NEMP2: variants seen among roughly 807,000 people sequenced by gnomAD.
NEMP2 encodes UPF0571 transmembrane protein.
A neutral mutation model predicts 54.2 loss-of-function variants in NEMP2; 53 were observed. The observed-to-expected ratio is 0.98, with a 90% CI of 0.78 to 1.23. The LOEUF (loss-of-function observed/expected upper bound fraction) is 1.23. NEMP2 is among the 50% of genes most tolerant of loss of function. NEMP2 has a pLI of 0.00. For missense variants in NEMP2, 455 were observed against 511.3 expected, an observed-to-expected ratio of 0.89 and a Z score of 1.06; for synonymous variants, 197 against 190.3, an observed-to-expected ratio of 1.04 and a Z score of -0.29.
chr2:190,508,980 T>C lies in NEMP2; in HGVS notation c.*209A>G. On this transcript the variant is annotated 3_prime_UTR_variant, in exon 9 of 9. Coordinates refer to ENST00000409150, the MANE Select transcript of NEMP2 (RefSeq NM_001142645.2). The surrounding 1 kb of genome is among the most constrained non-coding windows in gnomAD (Gnocchi z 4.3). ...TAGTGGCTGTCACAGAATTTTGGTA[T>C]CCACCTACAGTACAATAAGTAGCAG... The C allele has an allele frequency of 1.6e-6, 1 of 635,404 alleles. No individual in the cohort carries two copies. Among genetic ancestry groups the C allele is most frequent in the Non-Finnish European group, 2.5e-6 (1 of 393,318 alleles). The allele number at this position is 635,404 out of a possible 1,614,324, so 39.4% of individuals were successfully genotyped here.
chr2:190,554,007 A>G, the NEMP2 span, among the ~76,000 whole-genome samples: 1 of 152,186 alleles, frequency 6.6e-6, no homozygotes. The surrounding 1 kb of genome is among the most constrained non-coding windows in gnomAD (Gnocchi z 5.7). Context: ...GTGCAGCCCA[A>G]GGAGGGCGAG....
At chr2:190,575,976 T>C in the NEMP2 span, among the ~76,000 whole-genome samples, 1 of 151,498 alleles carries the variant, frequency 6.6e-6, no homozygotes, top group East Asian at 1.9e-4. Flanking sequence ...GTTTCTGGTT[T>C]ACTTTTTTTT....
downstream of NEMP2, chr2:190,500,529 G>A: frequency 3.3e-6 from 1 of 306,636 alleles, no homozygotes; most frequent in East Asian, 6.1e-5. The surrounding 1 kb of genome is among the most constrained non-coding windows in gnomAD (Gnocchi z 5.3). Flanking sequence ...GTTGAAACCG[G>A]CAGTTACACT....
downstream of NEMP2, chr2:190,500,636 G>T (rs1332635585): frequency 1.2e-5 from 2 of 161,754 alleles, no homozygotes; most frequent in Non-Finnish European, 2.7e-5. This position sits in a 1 kb window ranked among gnomAD's most constrained non-coding sequence, Gnocchi z 5.3. Context: ...CACAAACTGG[G>T]AAGAGATAGA....
chr2:190,624,048 T>G, the NEMP2 span, among the ~76,000 whole-genome samples: 1 of 152,208 alleles, frequency 6.6e-6, no homozygotes, highest in East Asian at 1.9e-4. Context: ...CTTAGGAGGC[T>G]GAAGCAGGAA....
the NEMP2 span, among the ~76,000 whole-genome samples, chr2:190,545,445 G>T: frequency 2.2e-4 from 33 of 152,286 alleles, no homozygotes; most frequent in African/African-American, 7.5e-4. Context: ...TTCTTTCAAG[G>T]AAACCTACAA....
rs56324449 is a variant in NEMP2 at position 190,517,090 on chromosome 2, C to CAA, written c.612+428_612+429dup. Among the ~76,000 whole-genome samples the CAA allele has an allele frequency of 2.2e-3, 194 of 89,244 alleles. 1 individual carries two copies. The highest frequency in any genetic ancestry group is 8.0e-3 in the African/African-American group (164 of 20,388). 58.5% of individuals were successfully genotyped at this position (89,244 alleles called of 152,430 possible). A position where few individuals can be genotyped will look rare whatever the true frequency, so the allele number is the denominator to read the frequency against. ...TGGGCAACAGAGCAAGACTGTGTCT[C>CAA]AAAAAAAAAAAAAAAAAAAAAGAAG... On this transcript the variant is annotated intron_variant, in intron 5 of 8. Coordinates refer to ENST00000409150, the MANE Select transcript of NEMP2 (RefSeq NM_001142645.2).
chr2:190,636,378 C>G, the NEMP2 span, among the ~76,000 whole-genome samples: 1 of 152,158 alleles, frequency 6.6e-6, no homozygotes, highest in Non-Finnish European at 1.5e-5. Flanking sequence ...TCACTGTCAG[C>G]AGCAAAGGAA....
At chr2:190,465,401 A>G in the NEMP2 span, among the ~76,000 whole-genome samples, 1 of 151,784 alleles carries the variant, frequency 6.6e-6, no homozygotes, top group African/African-American at 2.4e-5. The surrounding 1 kb of genome is among the most constrained non-coding windows in gnomAD (Gnocchi z 4.6). Flanking sequence ...GGTGTTCAGT[A>G]GGTATCTATA....
At chr2:190,426,686 T>A in the NEMP2 span, among the ~76,000 whole-genome samples, 1 of 152,206 alleles carries the variant, frequency 6.6e-6, no homozygotes, top group Non-Finnish European at 1.5e-5. This position sits in a 1 kb window ranked among gnomAD's most constrained non-coding sequence, Gnocchi z 4.7. Context: ...ATGGTTGTTT[T>A]CAAAATGGTT....
At chr2:190,457,118 T>A in the NEMP2 span, among the ~76,000 whole-genome samples, 1 of 152,198 alleles carries the variant, frequency 6.6e-6, no homozygotes, top group African/African-American at 2.4e-5. The surrounding 1 kb of genome is among the most constrained non-coding windows in gnomAD (Gnocchi z 5.1). Context: ...CCTCAAGCCC[T>A]TGTCTAGGTT....
chr2:190,509,882 A>C lies in NEMP2; in HGVS notation c.1130+479T>G, dbSNP rs1690296247. On this transcript the variant is annotated intron_variant, in intron 8 of 8. Transcript: ENST00000409150. The surrounding 1 kb of genome is among the most constrained non-coding windows in gnomAD (Gnocchi z 6.1). The stretch of plus-strand genomic sequence containing the variant: ...GTGAAACCCCATCTCTACTGAAAAT[A>C]CAAAAATTAGCCGGGCATGGTGGCG... 1.3e-5 allele frequency among the ~76,000 whole-genome samples: 2 copies of C among 152,364 alleles called. No homozygotes were observed. Among genetic ancestry groups the C allele is most frequent in the African/African-American group, 4.8e-5 (2 of 41,592 alleles).
At chr2:190,493,605 T>C in the NEMP2 span, among the ~76,000 whole-genome samples, 18 of 152,296 alleles carry the variant, frequency 1.2e-4, no homozygotes, top group African/African-American at 3.1e-4. Context: ...TTCTCCAAGA[T>C]AGACTATATG....
chr2:190,557,411 A>T, the NEMP2 span, among the ~76,000 whole-genome samples: 9 of 152,230 alleles, frequency 5.9e-5, no homozygotes, highest in African/African-American at 2.2e-4. Context: ...GGACATAGGC[A>T]TGGGCAAAGA....
At position 190,507,067 on chromosome 2, in the gene NEMP2, T is replaced by C. The variant is rs1380768636; in HGVS notation, c.*2122A>G. 1 of 152,172 alleles carries C rather than the reference T, an allele frequency of 6.6e-6. No individual in the cohort carries two copies. The highest frequency in any genetic ancestry group is 1.5e-5 in the Non-Finnish European group (1 of 68,012). 9.4% of individuals were successfully genotyped at this position (152,172 alleles called of 1,614,324 possible). On this transcript the variant is annotated 3_prime_UTR_variant, in exon 9 of 9. Transcript: ENST00000409150. This position sits in a 1 kb window ranked among gnomAD's most constrained non-coding sequence, Gnocchi z 4.4. ...CATTGCTTGATGGGGATTAGAATTG[T>C]GATCAGTACTATAATACACCCCCAA...
the NEMP2 span, among the ~76,000 whole-genome samples, chr2:190,449,414 C>T: frequency 6.6e-6 from 1 of 151,814 alleles, no homozygotes; most frequent in Admixed American, 6.6e-5. Flanking sequence ...ATGGAGGTTG[C>T]AGTGAGCCGA....
At chr2:190,425,339 A>G in the NEMP2 span, among the ~76,000 whole-genome samples, 32 of 152,094 alleles carry the variant, frequency 2.1e-4, no homozygotes, top group African/African-American at 5.8e-4. This position sits in a 1 kb window ranked among gnomAD's most constrained non-coding sequence, Gnocchi z 4.3. Flanking sequence ...TTTATTTCCT[A>G]TTGCACTGGT....
At chr2:190,625,440 A>G in the NEMP2 span, 1 of 152,234 alleles carries the variant, frequency 6.6e-6, no homozygotes, top group African/African-American at 2.4e-5. Context: ...GCAAATAAGC[A>G]TAGGGCTTCT....
At chr2:190,447,973 G>T in the NEMP2 span, among the ~76,000 whole-genome samples, 1 of 152,154 alleles carries the variant, frequency 6.6e-6, no homozygotes, top group Non-Finnish European at 1.5e-5. The surrounding 1 kb of genome is among the most constrained non-coding windows in gnomAD (Gnocchi z 4.5). Flanking sequence ...AAAGGCCATT[G>T]TTGCAAAGTG....
Sources: allele counts gnomAD v4.1 joint callset (sites outside exome capture counted in the v4.1 genomes callset), GRCh38; gene constraint gnomAD v4.1.1; non-coding constraint Gnocchi (gnomAD v3.1); transcripts MANE v1.5; gene names NCBI Gene and HGNC (gene_info 2026-07-23, HGNC 2026-07-21).